The following PALM2AKAP2 variants were observed in gnomAD, a reference collection of about 807,000 sequenced individuals.
PALM2AKAP2 encodes PALM2 and AKAP2 fusion.
In PALM2AKAP2, 37 loss-of-function variants were observed where a neutral mutation model predicts 71.5. The observed-to-expected ratio is 0.52, with a 90% CI of 0.40 to 0.68. The LOEUF (loss-of-function observed/expected upper bound fraction) is 0.68, where lower values mean the gene tolerates loss of function less well. Among genes scored for constraint, PALM2AKAP2 ranks in the 30% least tolerant of loss-of-function variants. The pLI is 0.00. For synonymous variants in PALM2AKAP2, 468 were observed against 478.8 expected (o/e 0.98, Z 0.29); for missense variants, 1,224 against 1,191.8 (o/e 1.03, Z -0.40).
At chr9:110,068,935 T>A (rs1834146107) in intron 1 of PALM2AKAP2, among the ~76,000 whole-genome samples, 1 of 152,216 alleles carries the variant, frequency 6.6e-6, no homozygotes, top group Admixed American at 6.5e-5. Flanking sequence ...GTGGGACTGT[T>A]CACTATGGAA....
intron 1 of PALM2AKAP2, among the ~76,000 whole-genome samples, chr9:109,741,516 C>G (rs764777678): frequency 1.3e-5 from 2 of 152,182 alleles, no homozygotes; most frequent in Non-Finnish European, 2.9e-5. Context: ...GATGTTTTAA[C>G]TTTATATGAA....
chr9:109,662,627 T>TC (rs1827416640), intron 1 of PALM2AKAP2, among the ~76,000 whole-genome samples: 1 of 136,346 alleles, frequency 7.3e-6, no homozygotes, highest in African/African-American at 3.1e-5. Context: ...TCTAAAATTC[T>TC]CTTTTTTTTG....
chr9:109,686,910 G>A (rs1827813467), intron 1 of PALM2AKAP2, among the ~76,000 whole-genome samples: 1 of 148,530 alleles, frequency 6.7e-6, no homozygotes, highest in African/African-American at 2.5e-5. Flanking sequence ...TCCCACCTAT[G>A]AGTGAGAATA....
intron 2 of PALM2AKAP2, among the ~76,000 whole-genome samples, chr9:109,879,799 C>T (rs1422272923): frequency 4.6e-5 from 7 of 151,404 alleles, no homozygotes; most frequent in South Asian, 2.1e-4. Flanking sequence ...CTGGCTCAAG[C>T]GATCCTCCCA....
intron 1 of PALM2AKAP2, among the ~76,000 whole-genome samples, chr9:109,679,500 C>T (rs913219575): frequency 4.6e-5 from 7 of 152,130 alleles, no homozygotes; most frequent in South Asian, 2.1e-4. Context: ...GTTTTGCCAT[C>T]GAAAACTCTG....
intron 3 of PALM2AKAP2, among the ~76,000 whole-genome samples, chr9:109,895,604 C>T (rs758877675): frequency 4.6e-5 from 7 of 152,120 alleles, no homozygotes; most frequent in Admixed American, 1.3e-4. Context: ...TACTTCAGGT[C>T]GAACTATACT....
chr9:109,773,118 A>C (rs1447085471), intron 1 of PALM2AKAP2, among the ~76,000 whole-genome samples: 7 of 149,182 alleles, frequency 4.7e-5, no homozygotes, highest in Non-Finnish European at 7.4e-5. Context: ...ACTCCATCTC[A>C]AAAAAAAAAG....
chr9:109,924,454 G>A lies in PALM2AKAP2; in HGVS notation c.372+605G>A, dbSNP rs978799306. Among the ~76,000 whole-genome samples the A allele has an allele frequency of 2.0e-5, 3 of 152,124 alleles. No individual in the cohort carries two copies. In the East Asian group the frequency reaches 5.8e-4, roughly 29 times the overall value. ...TGTACTAAAAAATACAAAAAAATTA[G>A]CCAGGTGCGGTGGCAGGCGCCTGTA... On this transcript the variant is annotated intron_variant, in intron 4 of 9. Coordinates refer to the PALM2AKAP2 transcript ENST00000302798.
chr9:109,962,312 G>A (rs1242743801), intron 6 of PALM2AKAP2, among the ~76,000 whole-genome samples: 1 of 152,206 alleles, frequency 6.6e-6, no homozygotes, highest in Non-Finnish European at 1.5e-5. Flanking sequence ...GCAGCTTTGA[G>A]AGCCAGGGAA....
intron 1 of PALM2AKAP2, among the ~76,000 whole-genome samples, chr9:109,667,248 A>C (rs1026144998): frequency 1.3e-5 from 2 of 152,200 alleles, no homozygotes; most frequent in Non-Finnish European, 2.9e-5. Flanking sequence ...ATGATGACAG[A>C]TAGATAAAAA....
intron 5 of PALM2AKAP2, among the ~76,000 whole-genome samples, chr9:109,926,343 T>A (rs1206861244): frequency 4.6e-5 from 7 of 152,176 alleles, no homozygotes. Flanking sequence ...AGGAAGGTAC[T>A]AAATTAAACT....
intron 3 of PALM2AKAP2, among the ~76,000 whole-genome samples, chr9:109,908,333 T>C (rs185447084): frequency 3.9e-5 from 6 of 152,216 alleles, no homozygotes; most frequent in African/African-American, 1.4e-4. Flanking sequence ...AACATTTGGA[T>C]TGGGAGTGGT....
exon 2 of PALM2AKAP2, chr9:110,137,176 G>A (rs767174376): frequency 6.2e-7 from 1 of 1,613,928 alleles, no homozygotes; most frequent in Non-Finnish European, 8.5e-7. Flanking sequence ...ACAAAGCAAA[G>A]GAGGACATTG....
chr9:109,791,607 G>A (rs552610738), intron 1 of PALM2AKAP2, among the ~76,000 whole-genome samples: 92 of 152,326 alleles, frequency 6.0e-4, no homozygotes, highest in African/African-American at 1.4e-3. Context: ...TCCCAGTTCC[G>A]GAGAGGGTCC....
chr9:109,841,238 C>G (rs949416669), intron 1 of PALM2AKAP2, among the ~76,000 whole-genome samples: 1 of 151,388 alleles, frequency 6.6e-6, no homozygotes, highest in African/African-American at 2.4e-5. Context: ...AAGCTGGAAA[C>G]CATCATTCTC....
chr9:109,801,044 T>C (rs1827416636), intron 1 of PALM2AKAP2, among the ~76,000 whole-genome samples: 1 of 152,000 alleles, frequency 6.6e-6, no homozygotes, highest in South Asian at 2.1e-4. Context: ...GGATGGTGAG[T>C]TGGGGTTGGG....
intron 3 of PALM2AKAP2, among the ~76,000 whole-genome samples, chr9:109,911,496 G>A (rs1200248902): frequency 6.6e-6 from 1 of 152,130 alleles, no homozygotes; most frequent in South Asian, 2.1e-4. Flanking sequence ...TTGTATTTGG[G>A]CTTCAATATG....
intron 3 of PALM2AKAP2, among the ~76,000 whole-genome samples, chr9:109,914,324 A>G (rs553372529): frequency 6.6e-6 from 1 of 152,384 alleles, no homozygotes; most frequent in African/African-American, 2.4e-5. Flanking sequence ...GAGCTGACAT[A>G]TAGCACTTTC....
chr9:109,698,308 G>A (rs1179532722), intron 1 of PALM2AKAP2, among the ~76,000 whole-genome samples: 4 of 125,620 alleles, frequency 3.2e-5, no homozygotes, highest in Admixed American at 1.9e-4. Context: ...ACGGAGTTTC[G>A]CTTTTGTCAC....
Sources: gnomAD v4.1 joint callset for allele counts (sites outside exome capture counted in the v4.1 genomes callset) on GRCh38, gnomAD v4.1.1 for gene constraint, MANE v1.5 for transcripts, NCBI Gene and HGNC (gene_info 2026-07-23, HGNC 2026-07-21) for gene names.